CHL1: variants seen among roughly 807,000 people sequenced by gnomAD.
CHL1 encodes cell adhesion molecule L1 like, also known as neural cell adhesion molecule L1-like protein.
CHL1 carries 96 observed loss-of-function variants against 141.9 expected under a neutral mutation model. The observed-to-expected ratio is 0.68, with a 90% CI of 0.57 to 0.80. The LOEUF (loss-of-function observed/expected upper bound fraction) is 0.80, where lower values mean the gene tolerates loss of function less well. Ranked by LOEUF, CHL1 falls within the 30% of genes least tolerant of loss-of-function variation. The pLI is 0.00. For synonymous variants in CHL1, 613 were observed against 502.2 expected (o/e 1.22, Z -2.95); for missense variants, 1,820 against 1,457.2 (o/e 1.25, Z -4.05).
chr3:221,867 T>C (rs866139992), intron 1 of CHL1, among the ~76,000 whole-genome samples: 20 of 152,324 alleles, frequency 1.3e-4, no homozygotes, highest in Middle Eastern at 3.4e-3. Context: ...TTTATAAAAA[T>C]ATTGTATGTG....
intron 1 of CHL1, among the ~76,000 whole-genome samples, chr3:220,849 A>C (rs78599746): frequency 0.055 from 8,426 of 152,286 alleles, 281 homozygotes; most frequent in Middle Eastern, 0.11. Context: ...GAGGAATTTC[A>C]CATCAGCTAG....
At chr3:263,128 C>G (rs1207407110) in intron 2 of CHL1, among the ~76,000 whole-genome samples, 1 of 152,144 alleles carries the variant, frequency 6.6e-6, no homozygotes, top group Admixed American at 6.5e-5. Flanking sequence ...TTGCACTCAA[C>G]TGAAATCCAG....
chr3:348,127 G>T (rs1380938849), intron 9 of CHL1, among the ~76,000 whole-genome samples: 1 of 152,150 alleles, frequency 6.6e-6, no homozygotes, highest in Non-Finnish European at 1.5e-5. Context: ...ATAGAGTTAG[G>T]AAGGACATAG....
intron 15 of CHL1, among the ~76,000 whole-genome samples, chr3:366,544 A>G (rs1704916826): frequency 6.6e-6 from 1 of 152,140 alleles, no homozygotes; most frequent in Non-Finnish European, 1.5e-5. Flanking sequence ...TCTGTCTTCA[A>G]GTCACTTCAC....
At chr3:243,064 A>G (rs17012551) in intron 1 of CHL1, among the ~76,000 whole-genome samples, 7,259 of 152,274 alleles carry the variant, frequency 0.048, 559 homozygotes, top group African/African-American at 0.17. Context: ...TAAAAGTGGT[A>G]CCATGGCTGT....
Position 222,740 on chromosome 3 carries a change from A to G in CHL1, c.-174-21873A>G, listed in dbSNP as rs111690808. Among the ~76,000 whole-genome samples the G allele has an allele frequency of 8.6e-3, 1,284 of 150,102 alleles. 19 individuals carry two copies. Among genetic ancestry groups the G allele is most frequent in the African/African-American group, 0.03 (1,233 of 41,080 alleles). ...ATAACAGGGAAGGGAAGGAAAAACA[A>G]TTTTTTTTTTGGTGGATCCATCCTA... On this transcript the variant is annotated intron_variant, in intron 1 of 27. Coordinates refer to ENST00000256509, the MANE Select transcript of CHL1 (RefSeq NM_006614.4).
intron 2 of CHL1, chr3:308,576 A>ATT (rs1347166114): frequency 2.0e-5 from 3 of 150,756 alleles, no homozygotes; most frequent in Non-Finnish European, 3.0e-5. Context: ...ACATAGGGAG[A>ATT]TTATATATAT....
chr3:405,465 T>C, intron 27 of CHL1, 30 bp from the exon 28 acceptor site: 1 of 1,396,034 alleles, frequency 7.2e-7, no homozygotes, highest in Non-Finnish European at 1.0e-6. Context: ...TTAGATTTTG[T>C]TGAGCTATTT....
chr3:213,856 A>G (rs926856814), intron 1 of CHL1, among the ~76,000 whole-genome samples: 4 of 152,204 alleles, frequency 2.6e-5, no homozygotes, highest in African/African-American at 7.2e-5. Context: ...TATTTTCCAC[A>G]TGTTCATAAT....
chr3:405,439 T>C (rs2106442491), intron 27 of CHL1, 56 bp from the exon 28 acceptor site: 2 of 1,159,716 alleles, frequency 1.7e-6, no homozygotes, highest in South Asian at 2.5e-5. Flanking sequence ...TGTGTTGCTT[T>C]ACATGAATAT....
At chr3:362,279 A>G (rs941856839) in intron 13 of CHL1, among the ~76,000 whole-genome samples, 174 of 152,144 alleles carry the variant, frequency 1.1e-3, no homozygotes, top group African/African-American at 4.1e-3. Flanking sequence ...GACATTATCA[A>G]TATGGATCTA....
chr3:404,376 A>AT, intron 27 of CHL1, among the ~76,000 whole-genome samples: 1 of 152,100 alleles, frequency 6.6e-6, no homozygotes, highest in East Asian at 1.9e-4. Context: ...TCCAAATTAT[A>AT]TTTTTTCCAA....
chr3:226,167 T>A lies in CHL1; in HGVS notation c.-174-18446T>A, dbSNP rs966605517. On this transcript the variant is annotated intron_variant, in intron 1 of 27. Transcript: ENST00000256509. ...TCCTGAGTAGCTGGGACTACAGGCA[T>A]GCACCACTATGCCCAGCTAATTTTT... Among the ~76,000 whole-genome samples the A allele has an allele frequency of 2.0e-5, 3 of 149,930 alleles. No homozygotes were observed. In the East Asian group the frequency reaches 6.0e-4, roughly 30 times the overall value.
At chr3:235,191 T>C (rs113044419) in intron 1 of CHL1, among the ~76,000 whole-genome samples, 2 of 152,160 alleles carry the variant, frequency 1.3e-5, no homozygotes, top group African/African-American at 4.8e-5. Flanking sequence ...GTGTCACTAA[T>C]CTTGCGGCCA....
intron 14 of CHL1, among the ~76,000 whole-genome samples, chr3:364,218 G>C (rs1459782557): frequency 6.6e-6 from 1 of 150,452 alleles, no homozygotes; most frequent in Non-Finnish European, 1.5e-5. Context: ...TATAGCATTT[G>C]TCTCTTTCTG....
intron 12 of CHL1, 38 bp from the exon 13 acceptor site, chr3:361,661 C>T (rs752529188): frequency 9.2e-6 from 13 of 1,420,642 alleles, no homozygotes; most frequent in Admixed American, 6.8e-5. Flanking sequence ...CTTTCTTCCA[C>T]AAAAGTTTAA....
Position 317,250 on chromosome 3 carries a change from C to T in CHL1, c.-94-2433C>T, listed in dbSNP as rs139868151. Among the ~76,000 whole-genome samples the T allele has an allele frequency of 1.9e-3, 287 of 152,002 alleles. 2 individuals carry two copies. Among genetic ancestry groups the T allele is most frequent in the African/African-American group, 6.2e-3 (257 of 41,488 alleles). On this transcript the variant is annotated intron_variant, in intron 2 of 27. Transcript: ENST00000256509. ...TTGGGTCAAGACCATGCATTTAAAA[C>T]GATTAAAATTCAAAAAATGGGATCA...
In CHL1 at chr3:196,956, C is replaced by G. The variant is rs56980156; in HGVS notation, c.-282C>G. The G allele has an allele frequency of 0.1, 15,955 of 152,286 alleles. 877 individuals carry two copies. Among genetic ancestry groups the G allele is most frequent in the Middle Eastern group, 0.15 (43 of 294 alleles). The allele number at this position is 152,286 out of a possible 1,614,324, so 9.4% of individuals were successfully genotyped here. A position where few individuals can be genotyped will look rare whatever the true frequency, so the allele number is the denominator to read the frequency against. ...CCGGCGAGACCCTCCCTGGATCCGC[C>G]CAGAGCTTACCGGACCCTGCGCGCC... On this transcript the variant is annotated 5_prime_UTR_variant, in exon 1 of 28. Transcript: ENST00000256509.
intron 2 of CHL1, among the ~76,000 whole-genome samples, chr3:291,782 C>A (rs918435727): frequency 6.6e-6 from 1 of 152,128 alleles, no homozygotes; most frequent in Non-Finnish European, 1.5e-5. Context: ...TGATTGTCAG[C>A]AGATGTAATG....
Sources: gnomAD v4.1 joint callset for allele counts (sites outside exome capture counted in the v4.1 genomes callset) on GRCh38, gnomAD v4.1.1 for gene constraint, MANE v1.5 for transcripts, NCBI Gene and HGNC (gene_info 2026-07-23, HGNC 2026-07-21) for gene names.